PLD1: variants seen among roughly 807,000 people sequenced by gnomAD.
The protein encoded by PLD1 is phospholipase D1, also known as choline phosphatase 1.
A neutral mutation model predicts 137.1 loss-of-function variants in PLD1; 112 were observed. That is an observed-to-expected ratio of 0.82 (90% CI 0.70 to 0.96). PLD1 has a LOEUF of 0.96. PLD1 is among the 40% of genes least tolerant of loss of function. The pLI, the probability that PLD1 is intolerant of heterozygous loss-of-function variation, is 0.00. For missense variants in PLD1, 1,321 were observed against 1,342.0 expected (o/e 0.98, Z 0.24); for synonymous variants, 431 against 454.7 (o/e 0.95, Z 0.66).
intron 1 of PLD1, among the ~76,000 whole-genome samples, chr3:171,786,420 G>A (rs1723013696): frequency 6.6e-6 from 1 of 152,162 alleles, no homozygotes; most frequent in Admixed American, 6.5e-5. Context: ...GGAAATGGCT[G>A]GTAAGACTGA....
chr3:171,671,725 C>G (rs1401461547), intron 19 of PLD1, among the ~76,000 whole-genome samples: 1 of 151,858 alleles, frequency 6.6e-6, no homozygotes, highest in Non-Finnish European at 1.5e-5. Context: ...TTATAATACA[C>G]TGTAGCATAA....
intron 23 of PLD1, among the ~76,000 whole-genome samples, chr3:171,630,363 A>C (rs1299451027): frequency 6.9e-6 from 1 of 144,852 alleles, no homozygotes; most frequent in African/African-American, 2.8e-5. Context: ...GTCAGGAAAC[A>C]ACAGGTGCTG....
chr3:171,639,565 TTA>T lies in PLD1; in HGVS notation c.2593+3273_2593+3274del, dbSNP rs1491234278. 1.3e-3 allele frequency among the ~76,000 whole-genome samples: 94 copies of T among 72,184 alleles called. 2 individuals carry two copies. The highest frequency in any genetic ancestry group is 6.0e-3 in the African/African-American group (92 of 15,388). The allele number at this position is 72,184 out of a possible 152,430, so 47.4% of individuals were successfully genotyped here. ...TAAATATATATTCATATAATATATA[TTA>T]TATATAATATATATTCATATAATAT... On this transcript the variant is annotated intron_variant, in intron 23 of 26. Transcript: ENST00000351298.
rs889375519 is a variant in PLD1 at position 171,612,876 on chromosome 3, T to C, written c.2729-444A>G. ...AAAAAAGCTTAAAGAAAATGCTAAG[T>C]AGAAAAAAGAGCCAGGCATGGTGGC... is the stretch of plus-strand genomic sequence containing the variant. On this transcript the variant is annotated intron_variant, in intron 24 of 26. Transcript: ENST00000351298. The surrounding 1 kb of genome is among the most constrained non-coding windows in gnomAD (Gnocchi z 4.1). 2.6e-5 allele frequency among the ~76,000 whole-genome samples: 4 copies of C among 152,012 alleles called. No individual in the cohort carries two copies. The highest frequency in any genetic ancestry group is 2.1e-4 in the South Asian group (1 of 4,824).
chr3:171,726,338 A>C (rs780594434), intron 6 of PLD1, among the ~76,000 whole-genome samples: 1 of 151,158 alleles, frequency 6.6e-6, no homozygotes, highest in South Asian at 2.1e-4. Flanking sequence ...AGAAGCTTGG[A>C]GAGAGAGAGA....
Position 171,716,127 on chromosome 3 carries a change from C to A in PLD1, c.759-2082G>T, listed in dbSNP as rs78409520. The stretch of plus-strand genomic sequence containing the variant: ...ATATGCTGTGGTGTACATGTACTAT[C>A]CAGTCTACTACAGATGGGTATTTAG... On this transcript the variant is annotated intron_variant, in intron 8 of 26. Coordinates refer to ENST00000351298, the MANE Select transcript of PLD1 (RefSeq NM_002662.5). Among the ~76,000 whole-genome samples the A allele has an allele frequency of 6.0e-4, 92 of 152,178 alleles. 2 individuals are homozygous for A. The East Asian group carries it at 0.011, about 18-fold the overall frequency.
In PLD1 at chr3:171,699,824, A is replaced by C; in HGVS notation, c.1148T>G (p.Leu383Arg). ...GCGTTTCAGGAAGATTTCTGGACTC[A>C]GCCTGAAACAATGAAACCAAGATTT... ...NEEIFITDWWLSPEIFLKRPV... is the reference protein window; with the variant it reads ...NEEIFITDWWRSPEIFLKRPV... The change falls in exon 12 of 27, where the codon CTG (leucine) becomes CGG (arginine). Residue 383 changes from leucine to arginine, a missense_variant and splice_region_variant. Transcript: ENST00000351298. 6.2e-7 allele frequency: 1 copy of C among 1,612,152 alleles called. No homozygotes were observed. The highest frequency in any genetic ancestry group is 1.1e-5 in the South Asian group (1 of 91,004).
intron 20 of PLD1, 65 bp from the exon 21 acceptor site, chr3:171,659,366 T>C: frequency 1.0e-6 from 1 of 977,164 alleles, no homozygotes; most frequent in Non-Finnish European, 1.7e-6. Context: ...GTAAGAACAA[T>C]ACTGTAATAT....
At chr3:171,757,206 C>A (rs1448648094) in intron 1 of PLD1, among the ~76,000 whole-genome samples, 1 of 152,156 alleles carries the variant, frequency 6.6e-6, no homozygotes. Context: ...GAAGACTCTG[C>A]TCAGTGAGAT....
intron 20 of PLD1, 35 bp downstream of exon 20, chr3:171,662,025 A>G (rs1324576457): frequency 8.6e-7 from 1 of 1,158,630 alleles, no homozygotes; most frequent in Non-Finnish European, 1.3e-6. Flanking sequence ...AAGGGAAGGC[A>G]GTTTCTCACA....
chr3:171,737,976 CTA>C lies in PLD1; in HGVS notation c.74_75del (p.Ile25ArgfsTer11). ...TGGAGTTCCCGCGTGTCCAGATTTTCTATGATATTACTCATGTCAGCAGCAAT... is the reference window on the plus strand; with the variant it reads ...TGGAGTTCCCGCGTGTCCAGATTTTCTGATATTACTCATGTCAGCAGCAAT... ...QKIAADMSNI[I>X]ENLDTRELHF... On this transcript the variant is annotated frameshift_variant, in exon 2 of 27. Transcript: ENST00000351298. LOFTEE classifies it high-confidence loss of function. 1 of 1,614,030 alleles carries C rather than the reference CTA, an allele frequency of 6.2e-7. No homozygotes were observed. The highest frequency in any genetic ancestry group is 8.5e-7 in the Non-Finnish European group (1 of 1,179,926).
intron 23 of PLD1, among the ~76,000 whole-genome samples, chr3:171,625,983 C>T (rs575111570): frequency 4.6e-5 from 7 of 152,296 alleles, no homozygotes; most frequent in Admixed American, 6.5e-5. Flanking sequence ...TCACCAGCAA[C>T]GGAACAAAGC....
intron 23 of PLD1, among the ~76,000 whole-genome samples, chr3:171,626,423 ACT>A (rs1389394633): frequency 1.3e-5 from 2 of 152,208 alleles, no homozygotes; most frequent in African/African-American, 4.8e-5. Context: ...GTTGGAAAAC[ACT>A]CTGCAGGATA....
chr3:171,680,495 A>G (rs186340189), intron 16 of PLD1, among the ~76,000 whole-genome samples: 1 of 151,592 alleles, frequency 6.6e-6, no homozygotes, highest in African/African-American at 2.4e-5. Context: ...CGGCCTCCCA[A>G]AGTGCTGGGA....
intron 1 of PLD1, among the ~76,000 whole-genome samples, chr3:171,760,906 C>A (rs563398595): frequency 6.6e-6 from 1 of 152,212 alleles, no homozygotes; most frequent in African/African-American, 2.4e-5. Context: ...AATGGAGACA[C>A]CATTCTCAGG....
chr3:171,690,594 T>A (rs1332354113), intron 13 of PLD1, among the ~76,000 whole-genome samples: 3 of 152,244 alleles, frequency 2.0e-5, no homozygotes, highest in African/African-American at 7.2e-5. Context: ...AATTTTTGTT[T>A]TATCATTGCT....
At chr3:171,668,413 G>T (rs772037662) in intron 19 of PLD1, among the ~76,000 whole-genome samples, 2 of 152,142 alleles carry the variant, frequency 1.3e-5, no homozygotes, top group African/African-American at 4.8e-5. Context: ...AAAACATTTT[G>T]CTGTCCTTTC....
At chr3:171,718,383 T>C (rs2108225960) in intron 8 of PLD1, among the ~76,000 whole-genome samples, 2 of 152,270 alleles carry the variant, frequency 1.3e-5, no homozygotes, top group South Asian at 4.1e-4. Context: ...TCAAATTCTA[T>C]AAGACGTACA....
chr3:171,624,139 A>T (rs1733882803), intron 23 of PLD1, among the ~76,000 whole-genome samples: 1 of 152,172 alleles, frequency 6.6e-6, no homozygotes, highest in African/African-American at 2.4e-5. Flanking sequence ...TCACAGATAA[A>T]GAGGTGATAA....
Sources: allele counts gnomAD v4.1 joint callset (sites outside exome capture counted in the v4.1 genomes callset), GRCh38; gene constraint gnomAD v4.1.1; non-coding constraint Gnocchi (gnomAD v3.1); transcripts MANE v1.5; gene names NCBI Gene and HGNC (gene_info 2026-07-23, HGNC 2026-07-21).